NIF3L1: variants seen among roughly 807,000 people sequenced by gnomAD.
NIF3L1 encodes NIF3-like protein 1.
A neutral mutation model predicts 35.0 loss-of-function variants in NIF3L1; 26 were observed. The ratio of observed to expected loss-of-function variants is 0.74; its 90% CI spans 0.54 to 1.03. The LOEUF (loss-of-function observed/expected upper bound fraction) is 1.03, where lower values mean the gene tolerates loss of function less well. Ranked by LOEUF, NIF3L1 falls within the 50% of genes least tolerant of loss-of-function variation. The pLI is 0.00. For missense variants in NIF3L1, 449 were observed against 466.3 expected (o/e 0.96, Z 0.34); for synonymous variants, 157 against 178.9 (o/e 0.88, Z 0.98).
chr2:200,899,151 AAACAC>A (rs1487233607), intron 5 of NIF3L1: 2 of 384,274 alleles, frequency 5.2e-6, no homozygotes, highest in African/African-American at 4.1e-5. Context: ...TGAAAAAAAA[AAACAC>A]AACAAAGGAA....
chr2:200,903,560 A>C lies in NIF3L1; in HGVS notation c.1016A>C (p.His339Pro), dbSNP rs1346162198. ...GGAATAAATGTCATCCTCTGTGAACACAGCAACACTGAACGAGGCTTTCTT... is the reference window on the plus strand; with the variant it reads ...GGAATAAATGTCATCCTCTGTGAACCCAGCAACACTGAACGAGGCTTTCTT... ...SQGINVILCE[H>P]SNTERGFLSD... The change falls in exon 7 of 7, where the codon CAC becomes CCC. Residue 339 changes from histidine (H) to proline (P), a missense_variant. By Grantham distance (77) the His-to-Pro change is moderately conservative (BLOSUM62 -2). Transcript: ENST00000409020. 1 of 1,614,034 alleles carries C rather than the reference A, an allele frequency of 6.2e-7. No individual in the cohort carries two copies. The highest frequency in any genetic ancestry group is 2.2e-5 in the East Asian group (1 of 44,870).
intron 5 of NIF3L1, among the ~76,000 whole-genome samples, chr2:200,897,862 G>A (rs1379404323): frequency 1.3e-5 from 2 of 152,142 alleles, no homozygotes; most frequent in Non-Finnish European, 2.9e-5. Flanking sequence ...TCCTAAGTAC[G>A]TGAGCTCCTG....
chr2:200,901,308 T>C (rs551993207), intron 6 of NIF3L1, among the ~76,000 whole-genome samples: 5 of 152,342 alleles, frequency 3.3e-5, no homozygotes, highest in South Asian at 2.1e-4. Flanking sequence ...CTCCATAGCA[T>C]TGACATTTTT....
chr2:200,889,356 G>A (rs2040111787), upstream of NIF3L1: 1 of 292,974 alleles, frequency 3.4e-6, no homozygotes. Flanking sequence ...GCGCCGACGC[G>A]GGACCGGAAG....
At position 200,889,381 on chromosome 2, in the gene NIF3L1, T is replaced by G; in HGVS notation, c.-298T>G. 3.4e-6 allele frequency: 1 copy of G among 290,710 alleles called. No individual in the cohort carries two copies. Among genetic ancestry groups the G allele is most frequent in the South Asian group, 3.1e-5 (1 of 32,780 alleles). The allele number at this position is 290,710 out of a possible 1,614,324, so 18.0% of individuals were successfully genotyped here. A position where few individuals can be genotyped will look rare whatever the true frequency, so the allele number is the denominator to read the frequency against. On this transcript the variant is annotated 5_prime_UTR_variant, in exon 1 of 7. Coordinates refer to ENST00000409020, the MANE Select transcript of NIF3L1 (RefSeq NM_001369441.2). ...GGGACCGGAAGTGACGCAGAGAAGT[T>G]TCCGGGACTGGTGAGTAGTGGGCGA...
intron 1 of NIF3L1, chr2:200,890,569 A>G (rs891892803): frequency 1.3e-5 from 2 of 152,328 alleles, no homozygotes; most frequent in Non-Finnish European, 2.9e-5. Flanking sequence ...TTTTTCTTCA[A>G]AAAGTGTTTA....
Position 200,902,204 on chromosome 2 carries a change from C to G in NIF3L1, c.950-1290C>G, listed in dbSNP as rs545753287. On this transcript the variant is annotated intron_variant, in intron 6 of 6. Coordinates refer to ENST00000409020, the MANE Select transcript of NIF3L1 (RefSeq NM_001369441.2). The stretch of plus-strand genomic sequence containing the variant: ...AAATTGTACTTTTTAAAGAACAAAC[C>G]TAATTGTACACAGTACAGTTTTGCT... Among the ~76,000 whole-genome samples the G allele has an allele frequency of 3.3e-5, 5 of 152,248 alleles. No homozygotes were observed. The South Asian group carries it at 6.2e-4, about 19-fold the overall frequency.
intron 3 of NIF3L1, among the ~76,000 whole-genome samples, chr2:200,895,032 G>A (rs537074696): frequency 6.6e-6 from 1 of 152,248 alleles, no homozygotes; most frequent in South Asian, 2.1e-4. Flanking sequence ...AAACTCCAGG[G>A]GTGGGGCCCA....
At chr2:200,895,977 G>A (rs1464958906) in intron 4 of NIF3L1, among the ~76,000 whole-genome samples, 3 of 134,922 alleles carry the variant, frequency 2.2e-5, no homozygotes, top group Non-Finnish European at 4.6e-5. Context: ...TGCCACCCCC[G>A]CTTTTTTTTT....
chr2:200,900,278 G>C (rs2040391927), intron 6 of NIF3L1, among the ~76,000 whole-genome samples: 1 of 152,090 alleles, frequency 6.6e-6, no homozygotes. Flanking sequence ...AATTTTTATT[G>C]AAAGAATTAC....
At chr2:200,897,876 G>A (rs1204244366) in intron 5 of NIF3L1, among the ~76,000 whole-genome samples, 2 of 152,202 alleles carry the variant, frequency 1.3e-5, no homozygotes, top group Non-Finnish European at 2.9e-5. Context: ...GCTCCTGCTG[G>A]CAAAAGCAGT....
intron 2 of NIF3L1, 73 bp downstream of exon 2, chr2:200,892,452 G>A: frequency 8.3e-7 from 1 of 1,200,906 alleles, no homozygotes; most frequent in Non-Finnish European, 1.1e-6. Context: ...TTCCAGTAAA[G>A]TTTTAACTGC....
chr2:200,899,336 A>G, intron 5 of NIF3L1, 49 bp from the exon 6 acceptor site: 2 of 1,393,624 alleles, frequency 1.4e-6, no homozygotes, highest in Non-Finnish European at 2.0e-6. Context: ...TAATAGTAAA[A>G]TGAAAGGGAA....
At position 200,892,234 on chromosome 2, in the gene NIF3L1, C is replaced by T. The variant is rs372923143; in HGVS notation, c.291C>T (p.Phe97=). ...TTCTCTCCTACCATCCGCCTATCTT[C>T]CGACCCATGAAGCGCATAACCTGGA... ...DLILSYHPPI[F]RPMKRITWNT... is the part of the protein sequence containing the mutation. The change falls in exon 2 of 7, where the codon TTC becomes TTT. Residue 97 remains phenylalanine (F), a synonymous_variant. Transcript: ENST00000409020. The T allele has an allele frequency of 2.4e-5, 39 of 1,614,104 alleles. No homozygotes were observed. Among genetic ancestry groups the T allele is most frequent in the Non-Finnish European group, 3.1e-5 (37 of 1,180,056 alleles).
chr2:200,903,535 G>A lies in NIF3L1; in HGVS notation c.991G>A (p.Gly331Arg), dbSNP rs1181217416. 1.9e-5 allele frequency: 31 copies of A among 1,614,052 alleles called. No individual in the cohort carries two copies. The highest frequency in any genetic ancestry group is 2.5e-5 in the Non-Finnish European group (30 of 1,179,958). ...HHDTLDAASQGINVILCEHSN... is the reference protein window; with the variant it reads ...HHDTLDAASQRINVILCEHSN... ...TGATACTTTGGATGCTGCTTCCCAA[G>A]GAATAAATGTCATCCTCTGTGAACA... Residue 331 changes from glycine (G) to arginine (R), a missense_variant, in exon 7 of 7, where the codon GGA becomes AGA. By Grantham distance (125) the Gly-to-Arg change is moderately radical. Coordinates refer to ENST00000409020, the MANE Select transcript of NIF3L1 (RefSeq NM_001369441.2).
chr2:200,899,364 C>T, intron 5 of NIF3L1, 21 bp from the exon 6 acceptor site: 1 of 1,594,240 alleles, frequency 6.3e-7, no homozygotes, highest in Non-Finnish European at 8.6e-7. Flanking sequence ...GTATTGGTCT[C>T]TTGTTTCCTC....
In NIF3L1 at chr2:200,899,521, G is replaced by A. The variant is rs1575138463; in HGVS notation, c.949+53G>A. On this transcript the variant is annotated intron_variant, in intron 6 of 6. Transcript: ENST00000409020. ...TTTATTTTTTGCAAAATCAAAAATGGCAAATTTTAGGACAGTACCTGGCAC... is the reference window on the plus strand; with the variant it reads ...TTTATTTTTTGCAAAATCAAAAATGACAAATTTTAGGACAGTACCTGGCAC... 5.9e-6 allele frequency: 8 copies of A among 1,346,378 alleles called. No homozygotes were observed. The East Asian group carries it at 1.8e-4, about 31-fold the overall frequency. The allele number at this position is 1,346,378 out of a possible 1,614,324, so 83.4% of individuals were successfully genotyped here. A position where few individuals can be genotyped will look rare whatever the true frequency, so the allele number is the denominator to read the frequency against.
intron 3 of NIF3L1, among the ~76,000 whole-genome samples, chr2:200,893,628 GACTAT>G (rs2124881761): frequency 6.6e-6 from 1 of 152,204 alleles, no homozygotes; most frequent in East Asian, 1.9e-4. Context: ...TATGTCAGGG[GACTAT>G]ACTATGCATT....
intron 5 of NIF3L1, among the ~76,000 whole-genome samples, chr2:200,898,204 A>G (rs1161130469): frequency 5.3e-5 from 8 of 152,228 alleles, no homozygotes; most frequent in Non-Finnish European, 1.5e-5. Flanking sequence ...TCACGCTGCT[A>G]TGAAGAAATA....
Sources: allele counts gnomAD v4.1 joint callset (sites outside exome capture counted in the v4.1 genomes callset), GRCh38; gene constraint gnomAD v4.1.1; transcripts MANE v1.5; gene names NCBI Gene and HGNC (gene_info 2026-07-23, HGNC 2026-07-21).